Variants in STK17B observed in about 807,000 individuals in gnomAD.
The protein encoded by STK17B is serine/threonine-protein kinase 17B.
A neutral mutation model predicts 42.0 loss-of-function variants in STK17B; 21 were observed. The observed-to-expected ratio is 0.50, with a 90% CI of 0.35 to 0.72. STK17B has a LOEUF of 0.72. Ranked by LOEUF, STK17B falls within the 30% of genes least tolerant of loss-of-function variation. The probability of loss-of-function intolerance (pLI) is 0.00; values close to 1 mark genes in which losing one functional copy is unlikely to be tolerated. For synonymous variants in STK17B, 143 were observed against 148.4 expected, an observed-to-expected ratio of 0.96 and a Z score of 0.26; for missense variants, 349 against 446.0, an observed-to-expected ratio of 0.78 and a Z score of 1.96.
chr2:196,138,539 A>C (rs755346146), intron 7 of STK17B, among the ~76,000 whole-genome samples: 15 of 151,676 alleles, frequency 9.9e-5, no homozygotes, highest in Non-Finnish European at 1.9e-4. Context: ...ATTTTGAAAG[A>C]CGGTGCTTAA....
intron 6 of STK17B, among the ~76,000 whole-genome samples, chr2:196,140,261 G>A (rs1699474429): frequency 1.3e-5 from 2 of 152,230 alleles, no homozygotes; most frequent in Admixed American, 1.3e-4. Context: ...GGCAAGTCTG[G>A]TGCCCAGGAG....
chr2:196,157,165 A>G (rs1456825178), intron 2 of STK17B, among the ~76,000 whole-genome samples: 1 of 152,016 alleles, frequency 6.6e-6, no homozygotes, highest in Non-Finnish European at 1.5e-5. Flanking sequence ...AAAAATAAAA[A>G]AAAGATACAT....
intron 3 of STK17B, among the ~76,000 whole-genome samples, chr2:196,151,045 G>A (rs895128974): frequency 1.3e-5 from 2 of 152,166 alleles, no homozygotes; most frequent in African/African-American, 2.4e-5. Context: ...AAGGCTTTCT[G>A]TTTTGCATGT....
intron 1 of STK17B, 52 bp from the exon 2 acceptor site, chr2:196,163,479 G>A: frequency 5.1e-6 from 7 of 1,378,864 alleles, no homozygotes; most frequent in Non-Finnish European, 6.8e-6. Flanking sequence ...GGCAGGATGT[G>A]CATTACATTA....
At chr2:196,148,577 T>A (rs1019529010) in intron 3 of STK17B, among the ~76,000 whole-genome samples, 1 of 152,140 alleles carries the variant, frequency 6.6e-6, no homozygotes, top group Non-Finnish European at 1.5e-5. Context: ...TCCTATCTTA[T>A]AAAAATCAGA....
rs72919164 is a variant in STK17B at position 196,134,247 on chromosome 2, C to T, written c.*3200G>A. The stretch of plus-strand genomic sequence containing the variant: ...CAATGTGTTGATTTATATTCTGGCA[C>T]AAGTACCTTATTACTGACTAGAGCA... On this transcript the variant is annotated 3_prime_UTR_variant, in exon 8 of 8. Transcript: ENST00000263955. 20,830 of 152,084 alleles carry T rather than the reference C, an allele frequency of 0.14. 1,919 individuals carry two copies. The highest frequency in any genetic ancestry group is 0.21 in the Non-Finnish European group (14,590 of 67,970). The allele number at this position is 152,084 out of a possible 1,614,324, so 9.4% of individuals were successfully genotyped here. A position where few individuals can be genotyped will look rare whatever the true frequency, so the allele number is the denominator to read the frequency against.
intron 7 of STK17B, 107 bp from the exon 8 acceptor site, chr2:196,137,836 CAT>C: frequency 8.1e-7 from 1 of 1,236,416 alleles, no homozygotes; most frequent in Non-Finnish European, 1.1e-6. Context: ...GAAAATAAAA[CAT>C]ACTCATAGTA....
rs922404946 is a variant in STK17B at position 196,162,344 on chromosome 2, T to C, written c.122+918A>G. 5.9e-5 allele frequency among the ~76,000 whole-genome samples: 9 copies of C among 152,032 alleles called. No homozygotes were observed. In the South Asian group the frequency reaches 1.7e-3, roughly 28 times the overall value. On this transcript the variant is annotated intron_variant, in intron 2 of 7. Coordinates refer to ENST00000263955, the MANE Select transcript of STK17B (RefSeq NM_004226.4). ...TTTGTTGTGACATAGAATCAGACTA[T>C]GAAATATGAATTCATTCTTTTTGTT...
chr2:196,174,980 T>C (rs923658034), upstream of STK17B, among the ~76,000 whole-genome samples: 1 of 152,232 alleles, frequency 6.6e-6, no homozygotes, highest in Non-Finnish European at 1.5e-5. Context: ...CACTGCAGTT[T>C]ATAGAGTATA....
At chr2:196,166,753 G>T (rs1699878547) in intron 1 of STK17B, among the ~76,000 whole-genome samples, 1 of 152,152 alleles carries the variant, frequency 6.6e-6, no homozygotes, top group Non-Finnish European at 1.5e-5. Context: ...TTACTTGAAT[G>T]CAGAAAGCAA....
At chr2:196,174,010 G>A (rs1256031296), upstream of STK17B, among the ~76,000 whole-genome samples, 1 of 152,148 alleles carries the variant, frequency 6.6e-6, no homozygotes, top group Non-Finnish European at 1.5e-5. Flanking sequence ...CACCCTGTGA[G>A]GACATAACAA....
chr2:196,156,014 T>G (rs1699733490), intron 3 of STK17B: 1 of 156,394 alleles, frequency 6.4e-6, no homozygotes, highest in East Asian at 1.9e-4. Flanking sequence ...CTTGAAGGTA[T>G]TTTTCAAATA....
chr2:196,172,588 A>C (rs1046179429), upstream of STK17B, among the ~76,000 whole-genome samples: 2 of 152,336 alleles, frequency 1.3e-5, no homozygotes, highest in Admixed American at 6.5e-5. Flanking sequence ...AAGCCAAGCA[A>C]ATTCCTGTGA....
chr2:196,160,358 T>G (rs1421252796), intron 2 of STK17B, among the ~76,000 whole-genome samples: 1 of 152,084 alleles, frequency 6.6e-6, no homozygotes, highest in Non-Finnish European at 1.5e-5. Flanking sequence ...GGGGGAGGGG[T>G]AGAAAAAACT....
At position 196,137,521 on chromosome 2, in the gene STK17B, T is replaced by C. The variant is rs927833723; in HGVS notation, c.1045A>G (p.Met349Val). 1.9e-6 allele frequency: 3 copies of C among 1,613,416 alleles called. No individual in the cohort carries two copies. Among genetic ancestry groups the C allele is most frequent in the Non-Finnish European group, 1.7e-6 (2 of 1,179,808 alleles). ...DKENIPEDSS[M>V]VSKRFRFDDS... The stretch of plus-strand genomic sequence containing the variant: ...TCGAAACGAAATCTTTTGGAAACCA[T>C]GCTGCTATCCTCTGGGATATTCTCT... Residue 349 changes from methionine to valine, a missense_variant, in exon 8 of 8, where the codon ATG becomes GTG. By Grantham distance (21) the Met-to-Val change is conservative. Around this residue, in one of 3 missense-constraint regions of STK17B, gnomAD observed 87 missense variants for 78.8 expected, o/e 1.10. Transcript: ENST00000263955.
chr2:196,153,251 T>C (rs1699690917), intron 3 of STK17B: 1 of 19,014 alleles, frequency 5.3e-5, no homozygotes, highest in East Asian at 5.7e-3. Flanking sequence ...GCAAAAACAA[T>C]GTCCAAAAAA....
intron 3 of STK17B, among the ~76,000 whole-genome samples, chr2:196,150,002 T>C (rs567051278): frequency 3.3e-4 from 50 of 151,922 alleles, no homozygotes; most frequent in African/African-American, 1.1e-3. Context: ...CAGAGGAACA[T>C]AGGTGGAGCT....
At chr2:196,168,887 T>C (rs937341921) in intron 1 of STK17B, among the ~76,000 whole-genome samples, 6 of 152,136 alleles carry the variant, frequency 3.9e-5, no homozygotes, top group Non-Finnish European at 8.8e-5. Flanking sequence ...TCACTGAATT[T>C]TGTCATCAAT....
chr2:196,155,442 C>T (rs1699725339), intron 3 of STK17B, among the ~76,000 whole-genome samples: 2 of 151,914 alleles, frequency 1.3e-5, no homozygotes, highest in Admixed American at 6.6e-5. Context: ...CAATCTATTT[C>T]GTGGAACAAA....
Sources: gnomAD v4.1 joint callset for allele counts (sites outside exome capture counted in the v4.1 genomes callset) on GRCh38, gnomAD v4.1.1 for gene constraint, gnomAD v4.1.1 regional missense constraint, MANE v1.5 for transcripts, NCBI Gene and HGNC (gene_info 2026-07-23, HGNC 2026-07-21) for gene names.